The following SLCO3A1 variants were observed in gnomAD, a reference collection of about 807,000 sequenced individuals.
SLCO3A1 encodes solute carrier organic anion transporter family member 3A1.
Under a neutral mutation model 63.1 loss-of-function variants are expected in SLCO3A1, and 27 were observed. The ratio of observed to expected loss-of-function variants is 0.43; its 90% CI spans 0.32 to 0.59. The LOEUF (loss-of-function observed/expected upper bound fraction) is 0.59. Among genes scored for constraint, SLCO3A1 ranks in the 20% least tolerant of loss-of-function variants. SLCO3A1 has a pLI of 0.09. For synonymous variants in SLCO3A1, 473 were observed against 409.9 expected (o/e 1.15, Z -1.86); for missense variants, 773 against 945.8 (o/e 0.82, Z 2.40).
chr15:92,080,673 C>T (rs777913725), intron 2 of SLCO3A1, among the ~76,000 whole-genome samples: 10 of 152,180 alleles, frequency 6.6e-5, no homozygotes, highest in Admixed American at 4.6e-4. Flanking sequence ...AGAGGCCACA[C>T]GGGGTACACC....
At chr15:92,114,455 GAGA>G (rs1336233140) in intron 4 of SLCO3A1, among the ~76,000 whole-genome samples, 1 of 152,138 alleles carries the variant, frequency 6.6e-6, no homozygotes, top group African/African-American at 2.4e-5. Flanking sequence ...CTTGGGAGAT[GAGA>G]AGGACTCAGG....
chr15:91,924,966 C>T, intron 2 of SLCO3A1, among the ~76,000 whole-genome samples: 1 of 152,150 alleles, frequency 6.6e-6, no homozygotes. Context: ...GAAATAGGAC[C>T]AGAGAGGCCC....
chr15:91,864,490 CTTTTTTT>C (rs56982912), intron 1 of SLCO3A1, among the ~76,000 whole-genome samples: 2 of 133,728 alleles, frequency 1.5e-5, no homozygotes, highest in African/African-American at 5.4e-5. Context: ...AAATGTTCCT[CTTTTTTT>C]TTTTTTTTTT....
At chr15:92,097,398 G>C (rs2047552449) in intron 3 of SLCO3A1, among the ~76,000 whole-genome samples, 1 of 152,226 alleles carries the variant, frequency 6.6e-6, no homozygotes, top group South Asian at 2.1e-4. Flanking sequence ...CGGGTAGACA[G>C]ATGGCTGGAG....
intron 7 of SLCO3A1, among the ~76,000 whole-genome samples, chr15:92,137,605 T>C (rs2048075662): frequency 9.1e-6 from 1 of 109,386 alleles, no homozygotes; most frequent in South Asian, 2.6e-4. Context: ...GTAAAAGTGT[T>C]CCTATTTCTC....
At position 91,860,579 on chromosome 15, in the gene SLCO3A1, T is replaced by G. The variant is rs1367519750; in HGVS notation, c.180+6491T>G. 1.3e-5 allele frequency among the ~76,000 whole-genome samples: 2 copies of G among 152,224 alleles called. No individual in the cohort carries two copies. Among genetic ancestry groups the G allele is most frequent in the Non-Finnish European group, 2.9e-5 (2 of 68,034 alleles). ...AGGCCAAGGCTTCTGTTTCCTAAACTGGTGATCTGGGCTCCTGAAGCTTGC... is the reference window on the plus strand; with the variant it reads ...AGGCCAAGGCTTCTGTTTCCTAAACGGGTGATCTGGGCTCCTGAAGCTTGC... On this transcript the variant is annotated intron_variant, in intron 1 of 9. Transcript: ENST00000318445. This position sits in a 1 kb window ranked among gnomAD's most constrained non-coding sequence, Gnocchi z 5.5.
chr15:91,982,243 A>C (rs768837582), intron 2 of SLCO3A1, among the ~76,000 whole-genome samples: 3 of 152,246 alleles, frequency 2.0e-5, no homozygotes, highest in Non-Finnish European at 4.4e-5. Flanking sequence ...CTTATTTTGC[A>C]TCAAGTTAAG....
Position 91,954,715 on chromosome 15 carries a change from G to T in SLCO3A1, c.646+38257G>T, listed in dbSNP as rs1366517772. On this transcript the variant is annotated intron_variant, in intron 2 of 9. Coordinates refer to ENST00000318445, the MANE Select transcript of SLCO3A1 (RefSeq NM_013272.4). The surrounding 1 kb of genome is among the most constrained non-coding windows in gnomAD (Gnocchi z 4.7). ...TGTGGTTAGAGCCCAATGAGTGAGG[G>T]GGGTAAAGATGGGGAGAGGGGTTGA... 1.3e-5 allele frequency among the ~76,000 whole-genome samples: 2 copies of T among 151,984 alleles called. No homozygotes were observed. Among genetic ancestry groups the T allele is most frequent in the Admixed American group, 6.6e-5 (1 of 15,256 alleles).
chr15:92,109,740 G>A (rs1041003007), intron 4 of SLCO3A1, among the ~76,000 whole-genome samples: 3 of 152,058 alleles, frequency 2.0e-5, no homozygotes, highest in African/African-American at 7.2e-5. Context: ...CCCAAATCTA[G>A]GAGATGAGTT....
At chr15:91,884,938 T>C (rs1287309944) in intron 1 of SLCO3A1, among the ~76,000 whole-genome samples, 4 of 152,150 alleles carry the variant, frequency 2.6e-5, no homozygotes, top group African/African-American at 9.7e-5. Context: ...TAAAAACAGC[T>C]GGACCCCTGC....
intron 4 of SLCO3A1, among the ~76,000 whole-genome samples, chr15:92,108,941 CTT>C (rs972192519): frequency 6.6e-6 from 1 of 152,026 alleles, no homozygotes; most frequent in African/African-American, 2.4e-5. Context: ...ATGGCAGTCT[CTT>C]TGCTTGTCTG....
At position 91,862,310 on chromosome 15, in the gene SLCO3A1, C is replaced by T. The variant is rs765804766; in HGVS notation, c.180+8222C>T. Among the ~76,000 whole-genome samples the T allele has an allele frequency of 2.6e-5, 4 of 152,022 alleles. No homozygotes were observed. The highest frequency in any genetic ancestry group is 2.9e-5 in the Non-Finnish European group (2 of 68,020). On this transcript the variant is annotated intron_variant, in intron 1 of 9. Coordinates refer to ENST00000318445, the MANE Select transcript of SLCO3A1 (RefSeq NM_013272.4). The surrounding 1 kb of genome is among the most constrained non-coding windows in gnomAD (Gnocchi z 4.0). ...CTGGGACTACAGGCGCGTACCACCA[C>T]TCGGCTAATTTTTTGTATTTTTTTT...
intron 2 of SLCO3A1, among the ~76,000 whole-genome samples, chr15:92,091,666 G>A (rs1218015232): frequency 3.3e-5 from 5 of 152,336 alleles, no homozygotes; most frequent in South Asian, 2.1e-4. Context: ...AAAAAGGTTC[G>A]AGAACGCGTT....
chr15:92,096,810 G>A (rs1170373184), intron 3 of SLCO3A1, among the ~76,000 whole-genome samples: 1 of 152,202 alleles, frequency 6.6e-6, no homozygotes, highest in African/African-American at 2.4e-5. Context: ...ATCAGAGGCA[G>A]CCCTATTTAT....
chr15:91,949,632 C>G (rs945354620), intron 2 of SLCO3A1, among the ~76,000 whole-genome samples: 3 of 151,804 alleles, frequency 2.0e-5, no homozygotes, highest in Non-Finnish European at 4.4e-5. Flanking sequence ...TCTGTCCCCC[C>G]AAAAGAAGAG....
intron 2 of SLCO3A1, among the ~76,000 whole-genome samples, chr15:91,961,366 T>C (rs1900438251): frequency 6.6e-6 from 1 of 152,238 alleles, no homozygotes; most frequent in Admixed American, 6.5e-5. Flanking sequence ...TTCCTGATTT[T>C]GCCTGAAGGG....
intron 2 of SLCO3A1, among the ~76,000 whole-genome samples, chr15:91,926,597 G>GTGTGTGCGCA (rs1304406067): frequency 6.3e-5 from 2 of 31,854 alleles, no homozygotes; most frequent in Admixed American, 2.6e-4. Flanking sequence ...GTGTGTGTGT[G>GTGTGTGCGCA]CGCGCGCGCA....
chr15:91,873,694 T>C (rs891848672), intron 1 of SLCO3A1, among the ~76,000 whole-genome samples: 1 of 152,188 alleles, frequency 6.6e-6, no homozygotes, highest in African/African-American at 2.4e-5. Context: ...ACTGCAACCC[T>C]ACTATCACTC....
At chr15:91,953,040 C>T (rs1048396711) in intron 2 of SLCO3A1, among the ~76,000 whole-genome samples, 1 of 152,148 alleles carries the variant, frequency 6.6e-6, no homozygotes, top group African/African-American at 2.4e-5. Context: ...TAGGCATCAA[C>T]CTCAGTGGAA....
Sources: gnomAD v4.1 joint callset for allele counts (sites outside exome capture counted in the v4.1 genomes callset) on GRCh38, gnomAD v4.1.1 for gene constraint, Gnocchi (gnomAD v3.1) non-coding constraint, MANE v1.5 for transcripts, NCBI Gene and HGNC (gene_info 2026-07-23, HGNC 2026-07-21) for gene names.